CUL3: variants seen among roughly 807,000 people sequenced by gnomAD.
The protein encoded by CUL3 is cullin-3.
CUL3 carries 19 observed loss-of-function variants against 89.1 expected under a neutral mutation model. The observed-to-expected ratio is 0.21, with a 90% CI of 0.15 to 0.31. The LOEUF is 0.31. Ranked by LOEUF, CUL3 falls within the 10% of genes least tolerant of loss-of-function variation. CUL3 has a pLI of 1.00. For missense variants in CUL3, 469 were observed against 942.3 expected, an observed-to-expected ratio of 0.50 and a Z score of 6.58; for synonymous variants, 351 against 308.4, an observed-to-expected ratio of 1.14 and a Z score of -1.45.
intron 2 of CUL3, among the ~76,000 whole-genome samples, chr2:224,541,593 A>T (rs1181164139): frequency 2.0e-5 from 3 of 152,206 alleles, no homozygotes; most frequent in Non-Finnish European, 4.4e-5. Flanking sequence ...GAAAACTTAC[A>T]TTCACACAAA....
At chr2:224,550,652 T>C (rs1445406823) in intron 2 of CUL3, among the ~76,000 whole-genome samples, 2 of 152,210 alleles carry the variant, frequency 1.3e-5, no homozygotes, top group Non-Finnish European at 2.9e-5. Context: ...GATCTTAGAT[T>C]TGTCCGTTTC....
intron 2 of CUL3, among the ~76,000 whole-genome samples, chr2:224,546,263 C>T (rs1484417038): frequency 6.6e-6 from 1 of 152,072 alleles, no homozygotes; most frequent in Non-Finnish European, 1.5e-5. Context: ...ACAAAGCTAC[C>T]AGTATTTTTG....
intron 13 of CUL3, among the ~76,000 whole-genome samples, chr2:224,492,712 C>T (rs1014357425): frequency 4.6e-5 from 7 of 152,138 alleles, no homozygotes; most frequent in African/African-American, 1.2e-4. Flanking sequence ...CAAATTAATG[C>T]CACCTGTTGT....
chr2:224,554,803 C>T (rs1042809252), intron 2 of CUL3, among the ~76,000 whole-genome samples: 1 of 152,174 alleles, frequency 6.6e-6, no homozygotes. Context: ...ACTTCTTTTC[C>T]ATTGTTCTTA....
At chr2:224,503,953 G>T (rs917077708) in intron 8 of CUL3, 131 bp from the exon 9 acceptor site, 1 of 654,172 alleles carries the variant, frequency 1.5e-6, no homozygotes, top group South Asian at 2.6e-5. Context: ...CAAAAAAAGG[G>T]ATACGGTTTG....
At position 224,485,331 on chromosome 2, in the gene CUL3, C is replaced by T. The variant is rs894413513; in HGVS notation, c.1843-3253G>A. The T allele has an allele frequency of 3.9e-5, 6 of 152,254 alleles. No homozygotes were observed. Among genetic ancestry groups the T allele is most frequent in the African/African-American group, 1.2e-4 (5 of 41,414 alleles). 9.4% of individuals were successfully genotyped at this position (152,254 alleles called of 1,614,324 possible). On this transcript the variant is annotated intron_variant, in intron 13 of 15. Transcript: ENST00000264414. The surrounding 1 kb of genome is among the most constrained non-coding windows in gnomAD (Gnocchi z 4.1). Reference sequence around the variant, plus strand: ...AGCCAAGTGGTCTTACTCAGTGGGTCCCACCCCGACAGATCCCAGCAAGCA... The same window carrying T: ...AGCCAAGTGGTCTTACTCAGTGGGTTCCACCCCGACAGATCCCAGCAAGCA...
At chr2:224,479,599 A>C (rs1005390377) in intron 14 of CUL3, 5 of 152,178 alleles carry the variant, frequency 3.3e-5, no homozygotes, top group Admixed American at 3.3e-4. Flanking sequence ...ACATGAAATT[A>C]ATTTTCTTGG....
Position 224,522,892 on chromosome 2 carries a change from T to C in CUL3, c.379-8120A>G, listed in dbSNP as rs936546131. On this transcript the variant is annotated intron_variant, in intron 3 of 15. Transcript: ENST00000264414. ...AAGAAAAACACAGTTGTGAAAATTT[T>C]TTATTTAAAAATAATTTCCATTTAA... Among the ~76,000 whole-genome samples the C allele has an allele frequency of 2.8e-4, 43 of 152,344 alleles. 1 individual carries two copies. The highest frequency in any genetic ancestry group is 3.9e-4 in the Admixed American group (6 of 15,300).
At chr2:224,560,402 G>A (rs1031308562) in intron 1 of CUL3, 1 of 152,194 alleles carries the variant, frequency 6.6e-6, no homozygotes, top group Non-Finnish European at 1.5e-5. Context: ...CCTACTCAAT[G>A]TTTCCACTTT....
intron 1 of CUL3, among the ~76,000 whole-genome samples, chr2:224,561,735 T>C (rs1694907081): frequency 6.6e-6 from 1 of 152,210 alleles, no homozygotes; most frequent in Non-Finnish European, 1.5e-5. Context: ...ATATAAAATG[T>C]ACTGATGCGG....
chr2:224,584,536 G>T (rs931195455), intron 1 of CUL3, among the ~76,000 whole-genome samples: 1 of 152,048 alleles, frequency 6.6e-6, no homozygotes, highest in Admixed American at 6.5e-5. Flanking sequence ...TTTTCAAAGT[G>T]TAGCGAAACC....
Position 224,506,068 on chromosome 2 carries a change from A to C in CUL3, c.1094T>G (p.Leu365Arg), listed in dbSNP as rs565506274. 6.2e-7 allele frequency: 1 copy of C among 1,612,886 alleles called. No homozygotes were observed. Among genetic ancestry groups the C allele is most frequent in the Non-Finnish European group, 8.5e-7 (1 of 1,179,248 alleles). The change falls in exon 8 of 16, where the codon CTC becomes CGC. Residue 365 changes from leucine (L) to arginine (R), a missense_variant. This residue lies in a region of CUL3 where 370 missense variants were observed against 733.2 expected (regional missense o/e 0.50). Coordinates refer to ENST00000264414, the MANE Select transcript of CUL3 (RefSeq NM_003590.5). Reference protein sequence around the residue: ...FLLESFNNDRLFKQTIAGDFE... With the variant: ...FLLESFNNDRRFKQTIAGDFE... ...GTCACCCGCAATAGTTTGTTTAAAG[A>C]GACGGTCATTGTTGAATGATTCCAG...
chr2:224,499,633 GA>G (rs2106187413), intron 11 of CUL3: 1 of 208,238 alleles, frequency 4.8e-6, no homozygotes, highest in African/African-American at 2.3e-5. Context: ...AAGAAATAAA[GA>G]AGCCACTCTG....
intron 2 of CUL3, among the ~76,000 whole-genome samples, chr2:224,553,650 G>C (rs1694599450): frequency 6.6e-6 from 1 of 152,086 alleles, no homozygotes. Flanking sequence ...CTTGAGAATG[G>C]TACCCTCATT....
At chr2:224,558,500 G>A (rs138323295) in intron 1 of CUL3, among the ~76,000 whole-genome samples, 39 of 151,966 alleles carry the variant, frequency 2.6e-4, no homozygotes, top group Middle Eastern at 6.8e-3. Context: ...CACACCAACC[G>A]ACCTGATTTT....
intron 3 of CUL3, among the ~76,000 whole-genome samples, chr2:224,520,410 A>T (rs927602622): frequency 1.3e-5 from 2 of 152,250 alleles, no homozygotes; most frequent in African/African-American, 4.8e-5. Flanking sequence ...AGTAAGCTTG[A>T]TAAACCAACT....
chr2:224,479,600 A>G (rs1691453567), intron 14 of CUL3: 1 of 152,254 alleles, frequency 6.6e-6, no homozygotes, highest in African/African-American at 2.4e-5. Flanking sequence ...CATGAAATTA[A>G]TTTTCTTGGA....
At chr2:224,476,832 G>C (rs185191495) in intron 15 of CUL3, among the ~76,000 whole-genome samples, 27 of 151,990 alleles carry the variant, frequency 1.8e-4, no homozygotes, top group African/African-American at 6.5e-4. Flanking sequence ...CCCATTTTGG[G>C]GGGGAAAAAG....
chr2:224,546,914 CTT>C (rs1372678024), intron 2 of CUL3, among the ~76,000 whole-genome samples: 1 of 152,108 alleles, frequency 6.6e-6, no homozygotes, highest in Admixed American at 6.5e-5. Flanking sequence ...GTCTCTGTCT[CTT>C]TTGGGATTAT....
Sources: gnomAD v4.1 joint callset for allele counts (sites outside exome capture counted in the v4.1 genomes callset) on GRCh38, gnomAD v4.1.1 for gene constraint, gnomAD v4.1.1 regional missense constraint, Gnocchi (gnomAD v3.1) non-coding constraint, MANE v1.5 for transcripts, NCBI Gene and HGNC (gene_info 2026-07-23, HGNC 2026-07-21) for gene names.